The following MAPK9 variants were observed in gnomAD, a reference collection of about 807,000 sequenced individuals.
MAPK9 encodes mitogen-activated protein kinase 9.
MAPK9 carries 30 observed loss-of-function variants against 57.1 expected under a neutral mutation model. The ratio of observed to expected loss-of-function variants is 0.53; its 90% CI spans 0.39 to 0.71. MAPK9 has a LOEUF of 0.71. MAPK9 is among the 30% of genes least tolerant of loss of function. The pLI is 0.00. For synonymous variants in MAPK9, 155 were observed against 177.0 expected (o/e 0.88, Z 0.99); for missense variants, 362 against 521.0 (o/e 0.69, Z 2.97).
chr5:180,270,868 AAAAAAG>A (rs71591466), intron 2 of MAPK9, among the ~76,000 whole-genome samples: 1,764 of 136,692 alleles, frequency 0.013, 16 homozygotes, highest in African/African-American at 0.036. Flanking sequence ...CAAAAAAAAA[AAAAAAG>A]AAAAAGAAAA....
chr5:180,239,334 C>T (rs998818203), intron 10 of MAPK9, among the ~76,000 whole-genome samples: 1 of 152,216 alleles, frequency 6.6e-6, no homozygotes, highest in Non-Finnish European at 1.5e-5. Flanking sequence ...TGTGTGCATG[C>T]ACTGCTGAGC....
intron 10 of MAPK9, 77 bp downstream of exon 10, chr5:180,239,847 C>T (rs1280255733): frequency 2.1e-6 from 3 of 1,431,556 alleles, no homozygotes; most frequent in Non-Finnish European, 2.9e-6. Flanking sequence ...AGGGAAATGT[C>T]ACAAAATGAA....
rs563874626 is a variant in MAPK9, at chr5:180,267,541, G to A, written c.252+1739C>T. On this transcript the variant is annotated intron_variant, in intron 3 of 11. Coordinates refer to ENST00000452135, the MANE Select transcript of MAPK9 (RefSeq NM_002752.5). ...CGCGCCACTGCCCTCCAGGTTGGGC[G>A]ACAGAGCGAGACTCCGTCTCAAAAA... 3.2e-3 allele frequency among the ~76,000 whole-genome samples: 432 copies of A among 134,212 alleles called. 4 individuals are homozygous for A. Among genetic ancestry groups the A allele is most frequent in the Middle Eastern group, 0.02 (4 of 202 alleles). 88.0% of individuals were successfully genotyped at this position (134,212 alleles called of 152,430 possible).
intron 5 of MAPK9, among the ~76,000 whole-genome samples, chr5:180,256,666 A>G (rs1561805899): frequency 6.6e-6 from 1 of 152,128 alleles, no homozygotes; most frequent in Non-Finnish European, 1.5e-5. Context: ...TTAGGTTTCT[A>G]TACCTCGTGC....
At chr5:180,263,481 G>T (rs150652767) in intron 4 of MAPK9, among the ~76,000 whole-genome samples, 1 of 152,042 alleles carries the variant, frequency 6.6e-6, no homozygotes, top group Non-Finnish European at 1.5e-5. Flanking sequence ...TCACTGCTCT[G>T]CTAAGACTCT....
At chr5:180,254,572 C>T (rs568127654) in intron 5 of MAPK9, among the ~76,000 whole-genome samples, 1 of 152,294 alleles carries the variant, frequency 6.6e-6, no homozygotes, top group East Asian at 1.9e-4. Flanking sequence ...TCTCAGACCT[C>T]TATAATATGT....
rs1269354706 is a variant in MAPK9 at position 180,233,783 on chromosome 5, C to T, written c.*2601G>A. Reference sequence around the variant, plus strand: ...ACCAGACAGACTCGTACGTGGTTATCGCTACTTACACAGCATTAAATGCGG... The same window carrying T: ...ACCAGACAGACTCGTACGTGGTTATTGCTACTTACACAGCATTAAATGCGG... On this transcript the variant is annotated 3_prime_UTR_variant, in exon 12 of 12. Coordinates refer to ENST00000452135, the MANE Select transcript of MAPK9 (RefSeq NM_002752.5). 6.6e-6 allele frequency: 1 copy of T among 152,224 alleles called. No homozygotes were observed. The highest frequency in any genetic ancestry group is 6.5e-5 in the Admixed American group (1 of 15,284). The allele number at this position is 152,224 out of a possible 1,614,324, so 9.4% of individuals were successfully genotyped here.
At chr5:180,277,739 CTT>C (rs1022512838) in intron 2 of MAPK9, among the ~76,000 whole-genome samples, 3 of 152,158 alleles carry the variant, frequency 2.0e-5, no homozygotes, top group Non-Finnish European at 2.9e-5. Flanking sequence ...TCCAATTCCT[CTT>C]GTCAGTGTTA....
chr5:180,261,205 G>A (rs374835314), intron 5 of MAPK9, among the ~76,000 whole-genome samples: 52 of 152,252 alleles, frequency 3.4e-4, no homozygotes, highest in African/African-American at 1.2e-3. Context: ...CAGAATTTTA[G>A]GATAAGAGAA....
intron 5 of MAPK9, among the ~76,000 whole-genome samples, chr5:180,255,771 T>C (rs1320546422): frequency 1.3e-5 from 2 of 152,024 alleles, no homozygotes; most frequent in Non-Finnish European, 2.9e-5. Context: ...CAGCATCTTA[T>C]GCCCCAAACT....
intron 1 of MAPK9, among the ~76,000 whole-genome samples, chr5:180,285,343 C>T (rs1762640856): frequency 6.6e-6 from 1 of 152,194 alleles, no homozygotes; most frequent in African/African-American, 2.4e-5. Flanking sequence ...TCTGATATCC[C>T]TTTAGAAAGT....
intron 7 of MAPK9, among the ~76,000 whole-genome samples, chr5:180,244,161 T>C (rs1049678767): frequency 2.0e-5 from 3 of 152,066 alleles, no homozygotes; most frequent in African/African-American, 7.2e-5. Flanking sequence ...CCTTATACTT[T>C]TGATACCTCT....
chr5:180,266,873 C>T (rs149520240), intron 3 of MAPK9, among the ~76,000 whole-genome samples: 62 of 152,226 alleles, frequency 4.1e-4, no homozygotes, highest in Non-Finnish European at 6.6e-4. Flanking sequence ...TTCACCTGGA[C>T]GAGTATGCAA....
At chr5:180,274,569 C>T (rs1314901552) in intron 2 of MAPK9, among the ~76,000 whole-genome samples, 1 of 152,178 alleles carries the variant, frequency 6.6e-6, no homozygotes, top group African/African-American at 2.4e-5. Context: ...AACCACAGAC[C>T]TAAAGCTGTA....
At chr5:180,265,418 G>A (rs2127599347) in intron 3 of MAPK9, among the ~76,000 whole-genome samples, 1 of 152,286 alleles carries the variant, frequency 6.6e-6, no homozygotes, top group African/African-American at 2.4e-5. Context: ...ACTGGATCAT[G>A]GGGGCGGTTT....
intron 2 of MAPK9, among the ~76,000 whole-genome samples, chr5:180,271,780 T>C (rs951546251): frequency 6.6e-6 from 1 of 152,206 alleles, no homozygotes; most frequent in Admixed American, 6.5e-5. Flanking sequence ...GTGAGACTAT[T>C]TCCAGGATCA....
chr5:180,239,497 T>C (rs1757474297), intron 10 of MAPK9, among the ~76,000 whole-genome samples: 1 of 152,234 alleles, frequency 6.6e-6, no homozygotes, highest in South Asian at 2.1e-4. Context: ...TCATTACAGG[T>C]ATAGTTTGTT....
At chr5:180,264,877 ATTAC>A in intron 3 of MAPK9, 38 bp from the exon 4 acceptor site, 1 of 1,447,882 alleles carries the variant, frequency 6.9e-7, no homozygotes, top group Non-Finnish European at 9.3e-7. Flanking sequence ...AATATGTCAG[ATTAC>A]TTGATTACAA....
rs143294080 is a variant in MAPK9, at chr5:180,288,062, G to A, written c.-48+3786C>T. 5.8e-3 allele frequency among the ~76,000 whole-genome samples: 882 copies of A among 152,238 alleles called. 2 individuals are homozygous for A. The highest frequency in any genetic ancestry group is 0.015 in the Admixed American group (226 of 15,282). ...AAGCGATTGCACTCATCTGCAACAC[G>A]GACGAGCAGAGAGCCTCAGGGTACC... On this transcript the variant is annotated intron_variant, in intron 1 of 11. Transcript: ENST00000452135.
Sources: allele counts gnomAD v4.1 joint callset (sites outside exome capture counted in the v4.1 genomes callset), GRCh38; gene constraint gnomAD v4.1.1; transcripts MANE v1.5; gene names NCBI Gene and HGNC (gene_info 2026-07-23, HGNC 2026-07-21).